GPR149: variants seen among roughly 807,000 people sequenced by gnomAD.
The protein encoded by GPR149 is probable G protein-coupled receptor 149.
Under a neutral mutation model 50.2 loss-of-function variants are expected in GPR149, and 50 were observed. The observed-to-expected ratio is 1.00, with a 90% confidence interval of 0.79 to 1.26. The LOEUF (loss-of-function observed/expected upper bound fraction) is 1.26. Among genes scored for constraint, GPR149 ranks in the 50% most tolerant of loss-of-function variants. The pLI is 0.00. For missense variants in GPR149, 983 were observed against 895.4 expected, an observed-to-expected ratio of 1.10 and a Z score of -1.25; for synonymous variants, 405 against 358.2, an observed-to-expected ratio of 1.13 and a Z score of -1.48.
intron 3 of GPR149, among the ~76,000 whole-genome samples, chr3:154,340,791 G>T (rs1021901852): frequency 7.2e-5 from 11 of 152,136 alleles, no homozygotes; most frequent in African/African-American, 2.7e-4. Context: ...GCGCCGTCTC[G>T]GCTCACTGCA....
At chr3:154,426,620 G>A (rs905843424) in intron 2 of GPR149, among the ~76,000 whole-genome samples, 1 of 151,866 alleles carries the variant, frequency 6.6e-6, no homozygotes, top group Non-Finnish European at 1.5e-5. Flanking sequence ...TTTCTTCCTG[G>A]CAGAGTCAAA....
At chr3:154,350,013 G>A (rs936756811) in intron 3 of GPR149, among the ~76,000 whole-genome samples, 1 of 151,992 alleles carries the variant, frequency 6.6e-6, no homozygotes, top group African/African-American at 2.4e-5. Flanking sequence ...GCTCACTGTA[G>A]CCTCCACCTC....
chr3:154,378,761 G>C (rs1212804648), intron 3 of GPR149, among the ~76,000 whole-genome samples: 1 of 151,980 alleles, frequency 6.6e-6, no homozygotes, highest in Non-Finnish European at 1.5e-5. Context: ...CATTTTTGTG[G>C]GTGTGTAGTG....
rs1713700712 is a variant in GPR149 at position 154,338,140 on chromosome 3, G to C, written c.1755C>G (p.Ala585=). 6.2e-7 allele frequency: 1 copy of C among 1,614,014 alleles called. No individual in the cohort carries two copies. Among genetic ancestry groups the C allele is most frequent in the Admixed American group, 1.7e-5 (1 of 59,998 alleles). The change falls in exon 4 of 4, where the codon GCC becomes GCG. Residue 585 remains alanine (A), a synonymous_variant. Coordinates refer to ENST00000389740, the MANE Select transcript of GPR149 (RefSeq NM_001038705.3). ...ATCGATAGACTTCTATTTTCTTAGA[G>C]GCTGGAGTTATTTTTTGCCCTTCTG... ...VSAEGQKITP[A]SKKIEVYRSK...
chr3:154,414,864 G>C (rs368880859), intron 3 of GPR149, among the ~76,000 whole-genome samples: 13 of 152,042 alleles, frequency 8.6e-5, no homozygotes, highest in African/African-American at 2.9e-4. Context: ...TTACAAATTG[G>C]AGGTAAGGAG....
intron 3 of GPR149, among the ~76,000 whole-genome samples, chr3:154,379,728 T>A (rs144799357): frequency 1.3e-3 from 205 of 152,296 alleles, no homozygotes; most frequent in Non-Finnish European, 2.3e-3. Flanking sequence ...TTGTTTGGCA[T>A]CTTTGTGAAA....
At chr3:154,418,098 A>G (rs2108427592) in intron 3 of GPR149, among the ~76,000 whole-genome samples, 1 of 146,526 alleles carries the variant, frequency 6.8e-6, no homozygotes, top group African/African-American at 2.6e-5. Flanking sequence ...AGAAATGCAA[A>G]TCAAAACCAC....
At chr3:154,421,599 T>G in intron 2 of GPR149, 112 bp from the exon 3 acceptor site, 2 of 543,868 alleles carry the variant, frequency 3.7e-6, no homozygotes, top group Non-Finnish European at 6.1e-6. Flanking sequence ...ATTATACATT[T>G]TAAAACTATC....
At chr3:154,398,432 T>C (rs1715344662) in intron 3 of GPR149, among the ~76,000 whole-genome samples, 1 of 152,206 alleles carries the variant, frequency 6.6e-6, no homozygotes, top group Non-Finnish European at 1.5e-5. Flanking sequence ...ATTTTCTCTA[T>C]CTCTGATATT....
intron 3 of GPR149, among the ~76,000 whole-genome samples, chr3:154,419,268 A>G (rs917215533): frequency 2.0e-5 from 3 of 152,068 alleles, no homozygotes; most frequent in Non-Finnish European, 2.9e-5. Flanking sequence ...ATTGTGGGTA[A>G]GTTGTTCTTC....
rs150710615 is a variant in GPR149, at chr3:154,378,763, T to C, written c.1624-40492A>G. 1.1e-4 allele frequency among the ~76,000 whole-genome samples: 16 copies of C among 152,306 alleles called. No individual in the cohort carries two copies. In the East Asian group the frequency reaches 2.7e-3, roughly 26 times the overall value. On this transcript the variant is annotated intron_variant, in intron 3 of 3. Transcript: ENST00000389740. Reference sequence around the variant, plus strand: ...TTTTGATTGTAGCCATTTTTGTGGGTGTGTAGTGGTATCTCATTGTGGTTT... The same window carrying C: ...TTTTGATTGTAGCCATTTTTGTGGGCGTGTAGTGGTATCTCATTGTGGTTT...
chr3:154,408,705 G>T (rs947598536), intron 3 of GPR149, among the ~76,000 whole-genome samples: 1 of 152,192 alleles, frequency 6.6e-6, no homozygotes, highest in Non-Finnish European at 1.5e-5. Context: ...GCTGAGCTCA[G>T]ACATGCCTAT....
In GPR149 at chr3:154,353,146, C is replaced by T. The variant is rs1387608579; in HGVS notation, c.1624-14875G>A. On this transcript the variant is annotated intron_variant, in intron 3 of 3. Coordinates refer to ENST00000389740, the MANE Select transcript of GPR149 (RefSeq NM_001038705.3). ...ATTTCAGTTACATTCTTCCTGGTCT[C>T]ACAGAAAATAATAGCCCTCCCTTCA... 5 of 1,509,232 alleles carry T rather than the reference C, an allele frequency of 3.3e-6. No individual in the cohort carries two copies. In the African/African-American group the frequency reaches 5.5e-5, roughly 17 times the overall value. The allele number at this position is 1,509,232 out of a possible 1,614,324, so 93.5% of individuals were successfully genotyped here.
At chr3:154,339,051 C>G (rs1158439595) in intron 3 of GPR149, among the ~76,000 whole-genome samples, 1 of 151,966 alleles carries the variant, frequency 6.6e-6, no homozygotes, top group Non-Finnish European at 1.5e-5. Context: ...ATTGCTGATT[C>G]ATGTCTTCAT....
intron 3 of GPR149, among the ~76,000 whole-genome samples, chr3:154,347,652 T>C (rs949677975): frequency 2.6e-5 from 4 of 152,184 alleles, no homozygotes; most frequent in African/African-American, 4.8e-5. Context: ...GACAAACAAA[T>C]TTATATGTGA....
intron 3 of GPR149, among the ~76,000 whole-genome samples, chr3:154,342,035 AT>A (rs1426580857): frequency 1.3e-5 from 2 of 152,236 alleles, no homozygotes; most frequent in African/African-American, 4.8e-5. Flanking sequence ...TTAGATACCT[AT>A]CTCATGTTAC....
Position 154,417,970 on chromosome 3 carries a change from A to G in GPR149, c.1623+3069T>C, listed in dbSNP as rs557751477. On this transcript the variant is annotated intron_variant, in intron 3 of 3. Transcript: ENST00000389740. Reference sequence around the variant, plus strand: ...GAATTTTGTAAACAAATTTACAAGAAAAAAACAAACAACCCCATCAAAAAG... The same window carrying G: ...GAATTTTGTAAACAAATTTACAAGAGAAAAACAAACAACCCCATCAAAAAG... 4.6e-5 allele frequency among the ~76,000 whole-genome samples: 7 copies of G among 152,172 alleles called. No individual in the cohort carries two copies. In the East Asian group the frequency reaches 1.4e-3, roughly 29 times the overall value.
rs1476032899 is a variant in GPR149, at chr3:154,336,963, A to G, written c.*736T>C. 1 of 152,116 alleles carries G rather than the reference A, an allele frequency of 6.6e-6. No homozygotes were observed. Among genetic ancestry groups the G allele is most frequent in the African/African-American group, 2.4e-5 (1 of 41,446 alleles). The allele number at this position is 152,116 out of a possible 1,614,324, so 9.4% of individuals were successfully genotyped here. A position where few individuals can be genotyped will look rare whatever the true frequency, so the allele number is the denominator to read the frequency against. On this transcript the variant is annotated 3_prime_UTR_variant, in exon 4 of 4. Coordinates refer to ENST00000389740, the MANE Select transcript of GPR149 (RefSeq NM_001038705.3). ...ATTACACAATTACAACTTTTTTCCA[A>G]TAATGTTTGAGTTAAAGATACTTCT...
At chr3:154,353,869 T>C in intron 3 of GPR149, 2 of 592,756 alleles carry the variant, frequency 3.4e-6, no homozygotes, top group South Asian at 1.8e-5. Context: ...ATGTTACCCT[T>C]TGATGTTTCA....
Sources: gnomAD v4.1 joint callset for allele counts (sites outside exome capture counted in the v4.1 genomes callset) on GRCh38, gnomAD v4.1.1 for gene constraint, MANE v1.5 for transcripts, NCBI Gene and HGNC (gene_info 2026-07-23, HGNC 2026-07-21) for gene names.